The following PPFIA2 variants were observed in gnomAD, a reference collection of about 807,000 sequenced individuals.
PPFIA2 encodes liprin-alpha-2.
In PPFIA2, 46 loss-of-function variants were observed where a neutral mutation model predicts 175.5. That is an observed-to-expected ratio of 0.26 (90% confidence interval 0.21 to 0.34). PPFIA2 has a LOEUF of 0.34. PPFIA2 is among the 10% of genes least tolerant of loss of function. PPFIA2 has a pLI of 1.00. For synonymous variants in PPFIA2, 568 were observed against 511.4 expected, an observed-to-expected ratio of 1.11 and a Z score of -1.49; for missense variants, 1,179 against 1,506.1, an observed-to-expected ratio of 0.78 and a Z score of 3.60.
At chr12:81,359,933 C>T (rs796963842) in intron 15 of PPFIA2, among the ~76,000 whole-genome samples, 19 of 151,988 alleles carry the variant, frequency 1.3e-4, no homozygotes, top group African/African-American at 4.6e-4. Context: ...TACTCTCTGC[C>T]TAGCTTTTCA....
intron 6 of PPFIA2, among the ~76,000 whole-genome samples, chr12:81,445,321 G>T (rs1453234303): frequency 6.6e-6 from 1 of 150,928 alleles, no homozygotes; most frequent in Non-Finnish European, 1.5e-5. Context: ...CATAATAGAA[G>T]TCTAATTCTG....
intron 4 of PPFIA2, among the ~76,000 whole-genome samples, chr12:81,474,557 G>A (rs1166115317): frequency 6.6e-6 from 1 of 152,146 alleles, no homozygotes; most frequent in Admixed American, 6.5e-5. Flanking sequence ...CTCCCAAAGT[G>A]CTGAGATTAC....
intron 11 of PPFIA2, 116 bp downstream of exon 11, chr12:81,374,518 A>G (rs1044103454): frequency 2.4e-6 from 3 of 1,235,750 alleles, no homozygotes; most frequent in Middle Eastern, 2.1e-4. Context: ...AGCTCAATAT[A>G]ATAGAGATTA....
At chr12:81,669,785 C>T (rs954281543) in intron 4 of PPFIA2, among the ~76,000 whole-genome samples, 7 of 151,856 alleles carry the variant, frequency 4.6e-5, no homozygotes, top group African/African-American at 1.7e-4. Context: ...AGGTGAGTTC[C>T]TAGAATCATC....
intron 7 of PPFIA2, among the ~76,000 whole-genome samples, chr12:81,418,659 G>A (rs1043697707): frequency 3.9e-5 from 6 of 151,900 alleles, no homozygotes; most frequent in East Asian, 1.9e-4. Context: ...GACTTTTACC[G>A]AAGTTTGCTG....
At chr12:81,283,222 C>A (rs1479099932) in intron 25 of PPFIA2, among the ~76,000 whole-genome samples, 183 bp from the exon 26 acceptor site, 1 of 152,008 alleles carries the variant, frequency 6.6e-6, no homozygotes. Context: ...GGCAATTAGG[C>A]AGCAACTACA....
chr12:81,303,769 G>A (rs1365710436), intron 22 of PPFIA2, among the ~76,000 whole-genome samples: 2 of 152,140 alleles, frequency 1.3e-5, no homozygotes, highest in African/African-American at 4.8e-5. Flanking sequence ...GTGCAGTCAA[G>A]AAATGACGAG....
chr12:81,372,308 A>C (rs2141593342), intron 11 of PPFIA2, among the ~76,000 whole-genome samples: 1 of 151,732 alleles, frequency 6.6e-6, no homozygotes, highest in South Asian at 2.1e-4. Flanking sequence ...AGAAGAAAAA[A>C]AGGTGACAGT....
intron 11 of PPFIA2, among the ~76,000 whole-genome samples, chr12:81,374,292 A>G (rs2035868123): frequency 1.3e-5 from 2 of 152,130 alleles, no homozygotes; most frequent in Admixed American, 1.3e-4. Flanking sequence ...ATTGATGTGA[A>G]GCCTGTTAAA....
intron 22 of PPFIA2, among the ~76,000 whole-genome samples, chr12:81,301,389 A>C (rs898651250): frequency 6.6e-6 from 1 of 152,184 alleles, no homozygotes; most frequent in Non-Finnish European, 1.5e-5. Context: ...AAAGCAAGTA[A>C]ATATGCACTA....
At chr12:81,521,651 C>T in intron 4 of PPFIA2, among the ~76,000 whole-genome samples, 1 of 87,532 alleles carries the variant, frequency 1.1e-5, no homozygotes, top group Admixed American at 1.1e-4. Context: ...TAATAAAATA[C>T]AAAAAAAAAA....
chr12:81,397,095 T>C (rs2041268722), intron 8 of PPFIA2, among the ~76,000 whole-genome samples: 1 of 152,096 alleles, frequency 6.6e-6, no homozygotes, highest in Non-Finnish European at 1.5e-5. Flanking sequence ...CTTTTAGATA[T>C]ACAAGTGGAG....
chr12:81,525,472 G>A (rs1291257051), intron 4 of PPFIA2, among the ~76,000 whole-genome samples: 1 of 152,136 alleles, frequency 6.6e-6, no homozygotes, highest in Non-Finnish European at 1.5e-5. Flanking sequence ...TTGAAGGAAA[G>A]TGTAGGTAAC....
intron 4 of PPFIA2, among the ~76,000 whole-genome samples, chr12:81,658,736 T>G (rs2068230114): frequency 6.6e-6 from 1 of 151,958 alleles, no homozygotes; most frequent in Admixed American, 6.6e-5. Context: ...GTTTAAGGGT[T>G]GTATATAAAT....
chr12:81,397,726 G>A (rs1436691047), intron 8 of PPFIA2, among the ~76,000 whole-genome samples: 2 of 152,058 alleles, frequency 1.3e-5, no homozygotes, highest in Admixed American at 6.6e-5. Context: ...GTACTGGTCT[G>A]TGGCCTGTTT....
intron 25 of PPFIA2, among the ~76,000 whole-genome samples, chr12:81,283,431 A>C (rs150864968): frequency 1.3e-5 from 2 of 152,164 alleles, no homozygotes; most frequent in African/African-American, 4.8e-5. Flanking sequence ...AGTGAAGTGA[A>C]AAAACTGTAT....
Position 81,267,460 on chromosome 12 carries a change from G to T in PPFIA2, c.3487-440C>A, listed in dbSNP as rs1413211333. On this transcript the variant is annotated intron_variant, in intron 29 of 32. Transcript: ENST00000549396. ...TCCTATGCCCTATCTCTTGACAACT[G>T]ATGTCTTAGGACTATGATGTGGGTT... Among the ~76,000 whole-genome samples the T allele has an allele frequency of 2.0e-5, 3 of 152,254 alleles. No individual in the cohort carries two copies. In the East Asian group the frequency reaches 5.8e-4, roughly 29 times the overall value.
intron 8 of PPFIA2, among the ~76,000 whole-genome samples, chr12:81,388,128 A>G (rs994372659): frequency 6.6e-6 from 1 of 152,192 alleles, no homozygotes; most frequent in African/African-American, 2.4e-5. Flanking sequence ...CTGTAGATTC[A>G]ACTTGTATCT....
At chr12:81,283,395 T>C (rs1225248978) in intron 25 of PPFIA2, among the ~76,000 whole-genome samples, 1 of 152,034 alleles carries the variant, frequency 6.6e-6, no homozygotes, top group Non-Finnish European at 1.5e-5. Flanking sequence ...GTATATATGA[T>C]AGAGAAATCT....
Sources: allele counts gnomAD v4.1 joint callset (sites outside exome capture counted in the v4.1 genomes callset), GRCh38; gene constraint gnomAD v4.1.1; transcripts MANE v1.5; gene names NCBI Gene and HGNC (gene_info 2026-07-23, HGNC 2026-07-21).